TAFA2: variants seen among roughly 807,000 people sequenced by gnomAD.
The protein encoded by TAFA2 is chemokine-like protein TAFA-2.
TAFA2 carries 7 observed loss-of-function variants against 18.8 expected under a neutral mutation model. That is an observed-to-expected ratio of 0.37 (90% CI 0.21 to 0.70). The LOEUF (loss-of-function observed/expected upper bound fraction) is 0.70. TAFA2 is among the 30% of genes least tolerant of loss of function. The pLI is 0.53. For missense variants in TAFA2, 122 were observed against 158.1 expected, an observed-to-expected ratio of 0.77 and a Z score of 1.23; for synonymous variants, 60 against 54.2, an observed-to-expected ratio of 1.11 and a Z score of -0.47.
chr12:62,225,582 C>T (rs571816618), intron 1 of TAFA2, among the ~76,000 whole-genome samples: 20 of 151,856 alleles, frequency 1.3e-4, no homozygotes, highest in Admixed American at 8.5e-4. Context: ...GCTATTGCAA[C>T]ATACAAATAA....
intron 2 of TAFA2, among the ~76,000 whole-genome samples, chr12:61,794,798 C>G (rs543769066): frequency 6.6e-6 from 1 of 152,054 alleles, no homozygotes; most frequent in Non-Finnish European, 1.5e-5. Context: ...AGGCAACCCA[C>G]ACAATGGGAA....
At chr12:62,082,265 G>T (rs541345335) in intron 1 of TAFA2, among the ~76,000 whole-genome samples, 4 of 152,240 alleles carry the variant, frequency 2.6e-5, no homozygotes, top group South Asian at 4.1e-4. Context: ...ATGTGTGCAT[G>T]TATCTTTATA....
Position 61,906,467 on chromosome 12 carries a change from C to T in TAFA2, c.-1-39041G>A, listed in dbSNP as rs948669237. Among the ~76,000 whole-genome samples the T allele has an allele frequency of 2.0e-5, 3 of 152,192 alleles. No homozygotes were observed. The East Asian group carries it at 5.8e-4, about 29-fold the overall frequency. ...TTCTGCCATGATTGTGAGACCTCTC[C>T]AGCCAGGTGGAACTGTGAGTCCTTT... On this transcript the variant is annotated intron_variant, in intron 1 of 4. Coordinates refer to ENST00000416284, the MANE Select transcript of TAFA2 (RefSeq NM_178539.5).
intron 1 of TAFA2, among the ~76,000 whole-genome samples, chr12:61,974,954 C>T (rs906126054): frequency 6.6e-6 from 1 of 151,688 alleles, no homozygotes; most frequent in African/African-American, 2.4e-5. Flanking sequence ...TCCATTTATC[C>T]AATTACTTTG....
At chr12:62,062,646 C>A (rs1882381546) in intron 1 of TAFA2, among the ~76,000 whole-genome samples, 1 of 152,188 alleles carries the variant, frequency 6.6e-6, no homozygotes, top group Admixed American at 6.5e-5. Flanking sequence ...CTTAAAACAA[C>A]ATAAACTTAT....
At chr12:61,872,629 C>T (rs1874664287) in intron 1 of TAFA2, among the ~76,000 whole-genome samples, 1 of 152,124 alleles carries the variant, frequency 6.6e-6, no homozygotes, top group Non-Finnish European at 1.5e-5. Flanking sequence ...TCCCTCTCAA[C>T]CACTCTGACT....
At chr12:62,143,289 A>C (rs1262183521) in intron 1 of TAFA2, among the ~76,000 whole-genome samples, 2 of 152,164 alleles carry the variant, frequency 1.3e-5, no homozygotes, top group Non-Finnish European at 2.9e-5. Context: ...AGAATCCCCC[A>C]TGGATGAGTA....
At chr12:62,107,703 A>G (rs1160702755) in intron 1 of TAFA2, among the ~76,000 whole-genome samples, 2 of 152,154 alleles carry the variant, frequency 1.3e-5, no homozygotes, top group Non-Finnish European at 2.9e-5. Flanking sequence ...GTGCAAATTC[A>G]TAACAGCCTC....
intron 1 of TAFA2, among the ~76,000 whole-genome samples, chr12:62,170,337 C>A (rs2062469181): frequency 6.6e-6 from 1 of 152,208 alleles, no homozygotes; most frequent in Non-Finnish European, 1.5e-5. Flanking sequence ...TTGAGGCAAT[C>A]TCTTTGAGGA....
chr12:61,887,370 G>A (rs1875428718), intron 1 of TAFA2, among the ~76,000 whole-genome samples: 1 of 151,832 alleles, frequency 6.6e-6, no homozygotes, highest in Non-Finnish European at 1.5e-5. Flanking sequence ...TACAAAATTA[G>A]TTAAGACAGA....
chr12:62,029,135 C>T (rs753471469), intron 1 of TAFA2, among the ~76,000 whole-genome samples: 2 of 152,208 alleles, frequency 1.3e-5, no homozygotes, highest in South Asian at 4.2e-4. Context: ...TTAACTTTCA[C>T]TAACTGGTTT....
chr12:61,751,621 CT>C (rs149271522), intron 4 of TAFA2, among the ~76,000 whole-genome samples: 3,444 of 152,074 alleles, frequency 0.023, 52 homozygotes, highest in Non-Finnish European at 0.036. Flanking sequence ...ACCAGCTATT[CT>C]TTGGGACAAA....
intron 1 of TAFA2, among the ~76,000 whole-genome samples, chr12:62,060,492 C>T (rs997778544): frequency 6.6e-6 from 1 of 152,212 alleles, no homozygotes; most frequent in African/African-American, 2.4e-5. Context: ...ATGTACAATA[C>T]ATAATACTTA....
chr12:61,938,728 G>A (rs1877876312), intron 1 of TAFA2, among the ~76,000 whole-genome samples: 1 of 152,118 alleles, frequency 6.6e-6, no homozygotes, highest in African/African-American at 2.4e-5. Context: ...ACTCAGCAAT[G>A]AAAAAGAATG....
At chr12:61,887,184 T>C (rs1385794491) in intron 1 of TAFA2, among the ~76,000 whole-genome samples, 1 of 152,172 alleles carries the variant, frequency 6.6e-6, no homozygotes, top group Non-Finnish European at 1.5e-5. Context: ...GTTAATTCTT[T>C]CAAGAAGACT....
chr12:62,150,596 A>G (rs1222467570), intron 1 of TAFA2, among the ~76,000 whole-genome samples: 1 of 152,122 alleles, frequency 6.6e-6, no homozygotes, highest in East Asian at 1.9e-4. Context: ...CCTTCAAAAT[A>G]AAGTCACAAA....
chr12:61,897,430 A>T (rs956456272), intron 1 of TAFA2, among the ~76,000 whole-genome samples: 24 of 146,052 alleles, frequency 1.6e-4, no homozygotes, highest in Admixed American at 6.1e-4. Context: ...AGTAATTTAT[A>T]AAAAAAAAGA....
chr12:62,132,971 CA>C (rs1314298305), intron 1 of TAFA2, among the ~76,000 whole-genome samples: 6 of 151,884 alleles, frequency 4.0e-5, no homozygotes, highest in African/African-American at 1.5e-4. Context: ...ACAACATTTT[CA>C]ATACAATATT....
At chr12:62,068,737 TA>T (rs1882555168) in intron 1 of TAFA2, among the ~76,000 whole-genome samples, 1 of 152,184 alleles carries the variant, frequency 6.6e-6, no homozygotes, top group Non-Finnish European at 1.5e-5. Flanking sequence ...TGACTTCATA[TA>T]AAGGATTCAG....
Sources: gnomAD v4.1 joint callset for allele counts (sites outside exome capture counted in the v4.1 genomes callset) on GRCh38, gnomAD v4.1.1 for gene constraint, MANE v1.5 for transcripts, NCBI Gene and HGNC (gene_info 2026-07-23, HGNC 2026-07-21) for gene names.